The following CCDC178 variants were observed in gnomAD, a reference collection of about 807,000 sequenced individuals.
CCDC178 encodes the protein coiled-coil domain-containing protein 178.
Under a neutral mutation model 117.4 loss-of-function variants are expected in CCDC178, and 126 were observed. The ratio of observed to expected loss-of-function variants is 1.07; its 90% confidence interval spans 0.93 to 1.24. The LOEUF is 1.24. Ranked by LOEUF, CCDC178 falls within the 50% of genes most tolerant of loss-of-function variation. The pLI is 0.00. For missense variants in CCDC178, 1,030 were observed against 986.9 expected (o/e 1.04, Z -0.59); for synonymous variants, 283 against 313.4 (o/e 0.90, Z 1.02).
chr18:33,371,794 C>T (rs952954759), intron 5 of CCDC178, among the ~76,000 whole-genome samples: 12 of 150,318 alleles, frequency 8.0e-5, no homozygotes, highest in South Asian at 2.1e-4. Flanking sequence ...TACACACACA[C>T]ACACACACAC....
intron 21 of CCDC178, among the ~76,000 whole-genome samples, chr18:32,991,704 G>C (rs2055397764): frequency 6.6e-6 from 1 of 152,038 alleles, no homozygotes; most frequent in African/African-American, 2.4e-5. Context: ...TGTTCCTTCA[G>C]GCTTATGCAG....
intron 15 of CCDC178, among the ~76,000 whole-genome samples, chr18:33,229,905 G>A (rs4359525): frequency 0.16 from 24,460 of 152,072 alleles, 2,741 homozygotes; most frequent in African/African-American, 0.32. Flanking sequence ...TGGGCTCCTG[G>A]GGAGATACTA....
intron 21 of CCDC178, among the ~76,000 whole-genome samples, chr18:32,996,389 A>G (rs1250669423): frequency 6.6e-6 from 1 of 151,982 alleles, no homozygotes; most frequent in African/African-American, 2.4e-5. Context: ...ATATTAAGTA[A>G]CCTTAATATC....
At chr18:33,289,647 T>G (rs1259412005) in intron 12 of CCDC178, among the ~76,000 whole-genome samples, 1 of 151,744 alleles carries the variant, frequency 6.6e-6, no homozygotes, top group African/African-American at 2.4e-5. Context: ...ACAACAAAAC[T>G]TTTTTAAAAA....
intron 11 of CCDC178, among the ~76,000 whole-genome samples, chr18:33,302,497 C>T (rs1449880548): frequency 6.6e-6 from 1 of 152,072 alleles, no homozygotes; most frequent in Non-Finnish European, 1.5e-5. Flanking sequence ...CTATATGATC[C>T]AGCAATCTCA....
intron 11 of CCDC178, among the ~76,000 whole-genome samples, chr18:33,296,825 G>A (rs1166572896): frequency 6.6e-6 from 1 of 152,136 alleles, no homozygotes. Context: ...TCAGGAGTTT[G>A]AGACAAGCCT....
chr18:33,328,082 GATTTT>G lies in CCDC178; in HGVS notation c.880-4454_880-4450del, dbSNP rs1212482215. ...CCAAGGTCATAAAGATTTATCCCTA[GATTTT>G]TTTTTTTTTTTTTTTTTTTTTTTTT... On this transcript the variant is annotated intron_variant, in intron 10 of 22. Transcript: ENST00000383096. 1.0e-3 allele frequency: 257 copies of G among 249,118 alleles called. 32 individuals are homozygous for G. The highest frequency in any genetic ancestry group is 6.4e-3 in the African/African-American group (196 of 30,466). The allele number at this position is 249,118 out of a possible 1,614,324, so 15.4% of individuals were successfully genotyped here.
intron 18 of CCDC178, among the ~76,000 whole-genome samples, chr18:33,221,847 T>A (rs765601126): frequency 3.6e-4 from 55 of 152,052 alleles, no homozygotes; most frequent in Non-Finnish European, 6.5e-4. Flanking sequence ...AAAGCTGACC[T>A]TAATTGGCTA....
Sources: allele counts gnomAD v4.1 joint callset (sites outside exome capture counted in the v4.1 genomes callset), GRCh38; gene constraint gnomAD v4.1.1; transcripts MANE v1.5; gene names NCBI Gene and HGNC (gene_info 2026-07-23, HGNC 2026-07-21).